The following UNC5D variants were observed in gnomAD, a reference collection of about 807,000 sequenced individuals.
UNC5D encodes netrin receptor UNC5D.
Under a neutral mutation model 105.4 loss-of-function variants are expected in UNC5D, and 39 were observed. The observed-to-expected ratio is 0.37, with a 90% CI of 0.29 to 0.48. The LOEUF (loss-of-function observed/expected upper bound fraction) is 0.48. Ranked by LOEUF, UNC5D falls within the 20% of genes least tolerant of loss-of-function variation. The pLI, the probability that UNC5D is intolerant of heterozygous loss-of-function variation, is 0.98. For synonymous variants in UNC5D, 452 were observed against 450.4 expected, an observed-to-expected ratio of 1.00 and a Z score of -0.04; for missense variants, 991 against 1,202.4, an observed-to-expected ratio of 0.82 and a Z score of 2.60.
chr8:35,433,636 A>T (rs895817489), intron 1 of UNC5D, among the ~76,000 whole-genome samples: 3 of 152,086 alleles, frequency 2.0e-5, no homozygotes, highest in Non-Finnish European at 4.4e-5. Flanking sequence ...TTTAATTCTT[A>T]TATCTTTTTA....
At chr8:35,534,071 C>G (rs113201595) in intron 1 of UNC5D, among the ~76,000 whole-genome samples, 1 of 152,154 alleles carries the variant, frequency 6.6e-6, no homozygotes, top group African/African-American at 2.4e-5. Flanking sequence ...TGGCTCCTCC[C>G]GCCACAACTG....
At chr8:35,266,197 T>C (rs1349489662) in intron 1 of UNC5D, among the ~76,000 whole-genome samples, 1 of 152,196 alleles carries the variant, frequency 6.6e-6, no homozygotes, top group Non-Finnish European at 1.5e-5. Context: ...TGGGAGCTTA[T>C]TCGAGGTTTC....
At chr8:35,238,454 G>T (rs1170182333) in intron 1 of UNC5D, among the ~76,000 whole-genome samples, 1 of 152,224 alleles carries the variant, frequency 6.6e-6, no homozygotes, top group Non-Finnish European at 1.5e-5. Flanking sequence ...TCGGCATATT[G>T]TAAGGAAGGC....
intron 1 of UNC5D, among the ~76,000 whole-genome samples, chr8:35,271,039 G>C (rs1335085549): frequency 6.6e-6 from 1 of 151,604 alleles, no homozygotes; most frequent in South Asian, 2.1e-4. Context: ...ATATATACAT[G>C]TCACAGTAAT....
At chr8:35,360,886 C>A (rs1801816789) in intron 1 of UNC5D, among the ~76,000 whole-genome samples, 1 of 151,966 alleles carries the variant, frequency 6.6e-6, no homozygotes, top group African/African-American at 2.4e-5. Context: ...CTTGGTTTCC[C>A]CAGATGGGAG....
chr8:35,792,079 C>CT lies in UNC5D; in HGVS notation c.*1518dup, dbSNP rs1481640226. On this transcript the variant is annotated 3_prime_UTR_variant, in exon 17 of 17. Coordinates refer to ENST00000404895, the MANE Select transcript of UNC5D (RefSeq NM_080872.4). Reference sequence around the variant, plus strand: ...GAACCACAAGGCAGCTAGTCAGCTACTTAGAGGTTGGTTACATTCGAATAA... The same window carrying CT: ...GAACCACAAGGCAGCTAGTCAGCTACTTTAGAGGTTGGTTACATTCGAATAA... 1 of 152,054 alleles carries CT rather than the reference C, an allele frequency of 6.6e-6. No homozygotes were observed. Among genetic ancestry groups the CT allele is most frequent in the African/African-American group, 2.4e-5 (1 of 41,398 alleles). 9.4% of individuals were successfully genotyped at this position (152,054 alleles called of 1,614,324 possible). A position where few individuals can be genotyped will look rare whatever the true frequency, so the allele number is the denominator to read the frequency against.
chr8:35,284,382 A>T (rs1366601418), intron 1 of UNC5D, among the ~76,000 whole-genome samples: 1 of 152,110 alleles, frequency 6.6e-6, no homozygotes, highest in Non-Finnish European at 1.5e-5. Flanking sequence ...TTCTTTCACT[A>T]CTCCTAGCAC....
intron 4 of UNC5D, among the ~76,000 whole-genome samples, chr8:35,617,766 A>G (rs1821119987): frequency 6.6e-6 from 1 of 152,232 alleles, no homozygotes; most frequent in Non-Finnish European, 1.5e-5. Context: ...AAAAACATCC[A>G]ACATTCAGAA....
intron 14 of UNC5D, among the ~76,000 whole-genome samples, chr8:35,766,581 A>G (rs7005043): frequency 0.045 from 6,849 of 152,176 alleles, 374 homozygotes; most frequent in African/African-American, 0.13. Context: ...CTAACTGGGG[A>G]ATGAAAATGA....
chr8:35,417,036 A>C (rs1392544765), intron 1 of UNC5D, among the ~76,000 whole-genome samples: 1 of 152,224 alleles, frequency 6.6e-6, no homozygotes, highest in Non-Finnish European at 1.5e-5. Context: ...TAATCACATC[A>C]TGGAGAATGG....
chr8:35,443,688 G>A (rs1807585149), intron 1 of UNC5D, among the ~76,000 whole-genome samples: 1 of 151,828 alleles, frequency 6.6e-6, no homozygotes, highest in South Asian at 2.1e-4. Flanking sequence ...TTATTATTAT[G>A]GTTAAATGTA....
At chr8:35,450,533 C>A (rs1272774528) in intron 1 of UNC5D, among the ~76,000 whole-genome samples, 1 of 152,116 alleles carries the variant, frequency 6.6e-6, no homozygotes, top group Admixed American at 6.6e-5. Flanking sequence ...GTTCTTGCAT[C>A]TATGACACAG....
At chr8:35,263,888 C>T (rs1804654511) in intron 1 of UNC5D, among the ~76,000 whole-genome samples, 1 of 152,148 alleles carries the variant, frequency 6.6e-6, no homozygotes, top group South Asian at 2.1e-4. Context: ...TATTGTCTAC[C>T]CCTCCTGTAC....
intron 1 of UNC5D, among the ~76,000 whole-genome samples, chr8:35,393,547 G>A (rs1414752746): frequency 2.6e-5 from 4 of 152,160 alleles, no homozygotes; most frequent in Non-Finnish European, 5.9e-5. Context: ...TCACTGTCAT[G>A]TAGATCATTC....
chr8:35,661,491 TCTA>T (rs1362106744), intron 4 of UNC5D, among the ~76,000 whole-genome samples: 1 of 152,158 alleles, frequency 6.6e-6, no homozygotes, highest in East Asian at 1.9e-4. Flanking sequence ...AAAAGAGAAA[TCTA>T]CTACTTTAAC....
intron 1 of UNC5D, among the ~76,000 whole-genome samples, chr8:35,285,940 T>C (rs1214662630): frequency 2.0e-5 from 3 of 151,750 alleles, no homozygotes; most frequent in Admixed American, 6.6e-5. Flanking sequence ...AAAAATAACA[T>C]AGAAACAGAA....
intron 1 of UNC5D, among the ~76,000 whole-genome samples, chr8:35,533,419 T>A (rs576004063): frequency 6.6e-6 from 1 of 152,206 alleles, no homozygotes; most frequent in South Asian, 2.1e-4. Flanking sequence ...GATCTCCAGC[T>A]GCGTGCTGGG....
intron 1 of UNC5D, among the ~76,000 whole-genome samples, chr8:35,333,187 A>T (rs1810758583): frequency 6.6e-6 from 1 of 152,002 alleles, no homozygotes; most frequent in Admixed American, 6.5e-5. Flanking sequence ...TTTTTTAAAA[A>T]ATTAGCTGGC....
intron 1 of UNC5D, among the ~76,000 whole-genome samples, chr8:35,473,375 T>A (rs1809872281): frequency 6.6e-6 from 1 of 152,184 alleles, no homozygotes; most frequent in South Asian, 2.1e-4. Flanking sequence ...CACTGCCATA[T>A]CCACAGCTTT....
Sources: gnomAD v4.1 joint callset for allele counts (sites outside exome capture counted in the v4.1 genomes callset) on GRCh38, gnomAD v4.1.1 for gene constraint, MANE v1.5 for transcripts, NCBI Gene and HGNC (gene_info 2026-07-23, HGNC 2026-07-21) for gene names.